The following PTPN20 variants were observed in gnomAD, a reference collection of about 807,000 sequenced individuals.
PTPN20 encodes protein tyrosine phosphatase non-receptor type 20, also known as tyrosine-protein phosphatase non-receptor type 20.
PTPN20 carries 9 observed loss-of-function variants against 35.0 expected under a neutral mutation model. The observed-to-expected ratio is 0.26, with a 90% CI of 0.15 to 0.45. The LOEUF is 0.45. PTPN20 is among the 20% of genes least tolerant of loss of function. PTPN20 has a pLI of 1.00. For missense variants in PTPN20, 111 were observed against 312.5 expected (o/e 0.36, Z 4.86); for synonymous variants, 32 against 100.2 (o/e 0.32, Z 4.06).
intron 1 of PTPN20, among the ~76,000 whole-genome samples, chr10:46,928,636 A>G (rs1325079879): frequency 2.6e-5 from 4 of 151,522 alleles, no homozygotes; most frequent in Non-Finnish European, 5.9e-5. Context: ...AAACCACGGA[A>G]TGACATTTCT....
intron 9 of PTPN20, among the ~76,000 whole-genome samples, chr10:46,988,849 T>C (rs1236983639): frequency 2.0e-5 from 3 of 151,780 alleles, no homozygotes; most frequent in Non-Finnish European, 2.9e-5. Context: ...CCTAGGTGTT[T>C]TTTTTTTTTA....
chr10:47,002,237 G>A lies in PTPN20; in HGVS notation c.*1496G>A, dbSNP rs1430913274. 1 of 151,986 alleles carries A rather than the reference G, an allele frequency of 6.6e-6. No individual in the cohort carries two copies. Among genetic ancestry groups the A allele is most frequent in the Non-Finnish European group, 1.5e-5 (1 of 67,836 alleles). The allele number at this position is 151,986 out of a possible 1,614,324, so 9.4% of individuals were successfully genotyped here. A position where few individuals can be genotyped will look rare whatever the true frequency, so the allele number is the denominator to read the frequency against. ...GTATCTCTAATTTTATTTTCTCTCT[G>A]TTACTGTAAAATAATAGCTATAATG... is the stretch of plus-strand genomic sequence containing the variant. On this transcript the variant is annotated 3_prime_UTR_variant, in exon 11 of 11. Coordinates refer to ENST00000374339, the MANE Select transcript of PTPN20 (RefSeq NM_001042357.5).
Position 46,953,330 on chromosome 10 carries a change from A to ATTTCT in PTPN20, c.340+6663_340+6667dup, listed in dbSNP as rs1440215531. Among the ~76,000 whole-genome samples the ATTTCT allele has an allele frequency of 3.2e-5, 4 of 125,152 alleles. 1 individual carries two copies. The highest frequency in any genetic ancestry group is 5.0e-5 in the Non-Finnish European group (3 of 60,142). The allele number at this position is 125,152 out of a possible 152,430, so 82.1% of individuals were successfully genotyped here. ...TACTTTTCCAATGTATATGCCTTTC[A>ATTTCT]TTTCTTTTCTTTCTTTCTTTCTTTC... is the stretch of plus-strand genomic sequence containing the variant. On this transcript the variant is annotated intron_variant, in intron 5 of 10. Transcript: ENST00000374339.
At chr10:46,997,007 C>T (rs1037510005) in intron 9 of PTPN20, among the ~76,000 whole-genome samples, 7 of 152,154 alleles carry the variant, frequency 4.6e-5, no homozygotes, top group Non-Finnish European at 7.4e-5. Context: ...GCTACATCTA[C>T]ACAAAACTTG....
chr10:46,988,657 C>T (rs1413855689), intron 9 of PTPN20, among the ~76,000 whole-genome samples: 7 of 151,358 alleles, frequency 4.6e-5, no homozygotes, highest in Admixed American at 4.6e-4. Context: ...GCAATGTTCT[C>T]CAGACTTGTC....
At chr10:46,923,683 G>A (rs1484151932) in intron 1 of PTPN20, among the ~76,000 whole-genome samples, 25 of 151,164 alleles carry the variant, frequency 1.7e-4, no homozygotes, top group African/African-American at 4.7e-4. Context: ...GGTTTTCTGC[G>A]TTTTCATATA....
At chr10:46,988,855 T>G (rs1369346722) in intron 9 of PTPN20, among the ~76,000 whole-genome samples, 3 of 151,750 alleles carry the variant, frequency 2.0e-5, no homozygotes, top group Non-Finnish European at 2.9e-5. Context: ...TGTTTTTTTT[T>G]TTTAATAGCT....
chr10:46,993,137 C>G (rs965058016), intron 9 of PTPN20, among the ~76,000 whole-genome samples: 2 of 152,202 alleles, frequency 1.3e-5, no homozygotes, highest in African/African-American at 2.4e-5. Context: ...CAAATAGACT[C>G]TCAGTCACAT....
Position 47,000,873 on chromosome 10 carries a change from CT to C in PTPN20, c.*135del. 8.3e-7 allele frequency: 1 copy of C among 1,207,110 alleles called. No individual in the cohort carries two copies. The highest frequency in any genetic ancestry group is 1.2e-5 in the South Asian group (1 of 80,898). The allele number at this position is 1,207,110 out of a possible 1,614,324, so 74.8% of individuals were successfully genotyped here. On this transcript the variant is annotated 3_prime_UTR_variant, in exon 11 of 11. Coordinates refer to ENST00000374339, the MANE Select transcript of PTPN20 (RefSeq NM_001042357.5). ...CTTTCTTGGTTTATCAGTTTATTTTCTTTCTAAAAGCTCCCTGAAGGGCAAT... is the reference window on the plus strand; with the variant it reads ...CTTTCTTGGTTTATCAGTTTATTTTCTTCTAAAAGCTCCCTGAAGGGCAAT...
chr10:46,940,798 C>T (rs2043228588), intron 3 of PTPN20, 81 bp downstream of exon 3: 2 of 1,260,244 alleles, frequency 1.6e-6, no homozygotes, highest in Non-Finnish European at 2.3e-6. Flanking sequence ...AAATGGGTAT[C>T]TATTTGGTTC....
At chr10:46,996,936 C>A (rs1156303711) in intron 9 of PTPN20, among the ~76,000 whole-genome samples, 1 of 152,074 alleles carries the variant, frequency 6.6e-6, no homozygotes, top group Non-Finnish European at 1.5e-5. Flanking sequence ...TCTCCTTTTT[C>A]AAAATTGTTT....
chr10:46,991,856 T>C (rs1217064571), intron 9 of PTPN20, among the ~76,000 whole-genome samples: 2 of 152,190 alleles, frequency 1.3e-5, no homozygotes, highest in South Asian at 2.1e-4. Context: ...GCCTTTAAGA[T>C]TTTTTCTTTT....
chr10:46,959,103 G>A (rs1424323520), intron 5 of PTPN20, among the ~76,000 whole-genome samples: 3 of 142,764 alleles, frequency 2.1e-5, no homozygotes, highest in African/African-American at 7.8e-5. Flanking sequence ...ATGAAAATGG[G>A]ATATTGAAAT....
Position 47,000,892 on chromosome 10 carries a change from A to C in PTPN20, c.*151A>C. 1.1e-6 allele frequency: 1 copy of C among 931,662 alleles called. No homozygotes were observed. Among genetic ancestry groups the C allele is most frequent in the Non-Finnish European group, 1.7e-6 (1 of 576,460 alleles). 57.7% of individuals were successfully genotyped at this position (931,662 alleles called of 1,614,324 possible). ...TATTTTCTTTCTAAAAGCTCCCTGA[A>C]GGGCAATATCATTTGGCTTGGGGTG... On this transcript the variant is annotated 3_prime_UTR_variant, in exon 11 of 11. Transcript: ENST00000374339.
intron 7 of PTPN20, among the ~76,000 whole-genome samples, chr10:46,977,430 G>A (rs1325531835): frequency 6.6e-6 from 1 of 152,412 alleles, no homozygotes; most frequent in East Asian, 1.9e-4. Flanking sequence ...TTAAGGATGA[G>A]TTTTATGAAT....
chr10:46,934,463 C>G (rs1215970046), intron 2 of PTPN20, among the ~76,000 whole-genome samples: 1 of 151,948 alleles, frequency 6.6e-6, no homozygotes, highest in Non-Finnish European at 1.5e-5. Context: ...TTTCTCTTGC[C>G]TAATTGCTCT....
intron 2 of PTPN20, among the ~76,000 whole-genome samples, chr10:46,934,747 CT>C (rs1376283361): frequency 9.6e-6 from 1 of 104,248 alleles, no homozygotes. Flanking sequence ...TATAAGCCTC[CT>C]GAGGTTAGAT....
chr10:47,002,829 C>T (rs2060130741), downstream of PTPN20, among the ~76,000 whole-genome samples: 1 of 151,750 alleles, frequency 6.6e-6, no homozygotes, highest in Admixed American at 6.6e-5. Context: ...TTCCTTTGGA[C>T]CTTTTACCCC....
intron 5 of PTPN20, among the ~76,000 whole-genome samples, chr10:46,948,955 T>C (rs1190326919): frequency 1.3e-5 from 2 of 149,858 alleles, no homozygotes; most frequent in Non-Finnish European, 3.0e-5. Flanking sequence ...GGTAGGAGTT[T>C]TGTAATAATA....
Sources: allele counts gnomAD v4.1 joint callset (sites outside exome capture counted in the v4.1 genomes callset), GRCh38; gene constraint gnomAD v4.1.1; transcripts MANE v1.5; gene names NCBI Gene and HGNC (gene_info 2026-07-23, HGNC 2026-07-21).